Variants in CES1 observed in about 807,000 individuals in gnomAD.
CES1 encodes the protein carboxylesterase 1, also known as liver carboxylesterase 1.
A neutral mutation model predicts 53.0 loss-of-function variants in CES1; 50 were observed. The ratio of observed to expected loss-of-function variants is 0.94; its 90% CI spans 0.75 to 1.19. The LOEUF (loss-of-function observed/expected upper bound fraction) is 1.19, where lower values mean the gene tolerates loss of function less well. Ranked by LOEUF, CES1 falls within the 50% of genes most tolerant of loss-of-function variation. The pLI is 0.00. For synonymous variants in CES1, 202 were observed against 210.1 expected, an observed-to-expected ratio of 0.96 and a Z score of 0.33; for missense variants, 534 against 538.0, an observed-to-expected ratio of 0.99 and a Z score of 0.07.
intron 1 of CES1, among the ~76,000 whole-genome samples, chr16:55,830,060 C>CCA (rs1349598978): frequency 2.0e-5 from 3 of 152,214 alleles, no homozygotes; most frequent in African/African-American, 7.2e-5. Flanking sequence ...TCTTGTCCTC[C>CCA]CAGCTGCTCT....
intron 6 of CES1, chr16:55,820,022 AG>A (rs2032106973): frequency 9.1e-6 from 5 of 550,476 alleles, no homozygotes; most frequent in Non-Finnish European, 1.7e-5. Flanking sequence ...GAGAGACACA[AG>A]ACACCATCAC....
intron 5 of CES1, 56 bp downstream of exon 5, chr16:55,821,312 G>A: frequency 6.2e-7 from 1 of 1,605,980 alleles, no homozygotes; most frequent in East Asian, 2.2e-5. Context: ...GTGTCCAAGA[G>A]GTCTCATCAG....
rs758364596 is a variant in CES1, at chr16:55,833,060, G to A, written c.-5C>T. ...GATAAAGGCACGGAGCCACATCGTG[G>A]AAGGGCGACAGTTCTCGGGGCCTGC... On this transcript the variant is annotated 5_prime_UTR_variant, in exon 1 of 14. Coordinates refer to ENST00000360526, the MANE Select transcript of CES1 (RefSeq NM_001025195.2). 2.4e-5 allele frequency: 37 copies of A among 1,560,536 alleles called. 4 individuals are homozygous for A. The South Asian group carries it at 4.2e-4, about 18-fold the overall frequency.
intron 9 of CES1, among the ~76,000 whole-genome samples, chr16:55,811,254 G>A (rs2031686301): frequency 6.6e-6 from 1 of 151,778 alleles, no homozygotes; most frequent in South Asian, 2.1e-4. Flanking sequence ...AGCTGTGGCA[G>A]TGTTTTGCAG....
intron 1 of CES1, among the ~76,000 whole-genome samples, chr16:55,830,811 A>AAGGAAGGG (rs1567509451): frequency 1.4e-5 from 2 of 143,034 alleles, no homozygotes; most frequent in African/African-American, 2.7e-5. Flanking sequence ...GGAAGGAAGG[A>AAGGAAGGG]AGGAAGGAAG....
At position 55,810,948 on chromosome 16, in the gene CES1, C is replaced by A; in HGVS notation, c.1149G>T (p.Leu383=). The A allele has an allele frequency of 1.2e-6, 2 of 1,613,484 alleles. No homozygotes were observed. Among genetic ancestry groups the A allele is most frequent in the Non-Finnish European group, 1.7e-6 (2 of 1,179,838 alleles). ...QLDQKTAMSL[L]WKSYPLVCIA... is the part of the protein sequence containing the mutation. The stretch of plus-strand genomic sequence containing the variant: ...TTACAACAAGGGGATAGGACTTCCA[C>A]AGGAGTGACATGGCTGTCTTCTGGT... Residue 383 remains leucine (L), a synonymous_variant, in exon 10 of 14, where the codon CTG becomes CTT. Coordinates refer to ENST00000360526, the MANE Select transcript of CES1 (RefSeq NM_001025195.2).
At chr16:55,831,735 CT>C (rs2032684342) in intron 1 of CES1, among the ~76,000 whole-genome samples, 1 of 149,748 alleles carries the variant, frequency 6.7e-6, no homozygotes, top group Non-Finnish European at 1.5e-5. Context: ...TTCCAGAGCT[CT>C]CGCAGTGTCA....
At chr16:55,828,246 A>C in intron 2 of CES1, 1 of 223,608 alleles carries the variant, frequency 4.5e-6, no homozygotes, top group Non-Finnish European at 9.1e-6. Flanking sequence ...TGTTCTCCTC[A>C]GGAATAGGCA....
At chr16:55,818,381 G>A (rs1278718818) in intron 7 of CES1, among the ~76,000 whole-genome samples, 1 of 152,230 alleles carries the variant, frequency 6.6e-6, no homozygotes, top group African/African-American at 2.4e-5. Context: ...CTACAGTGTT[G>A]CCTCTGTGAC....
chr16:55,817,026 G>A (rs2031973475), intron 7 of CES1, 64 bp from the exon 8 acceptor site: 3 of 1,565,948 alleles, frequency 1.9e-6, no homozygotes, highest in African/African-American at 1.4e-5. Flanking sequence ...AGCTGGGTGA[G>A]TGGGGCAACA....
At chr16:55,818,497 G>A (rs2032044340) in intron 7 of CES1, among the ~76,000 whole-genome samples, 1 of 152,148 alleles carries the variant, frequency 6.6e-6, no homozygotes, top group Non-Finnish European at 1.5e-5. Flanking sequence ...GAAAGATAAG[G>A]TGGAGTCAGG....
At chr16:55,825,076 A>G (rs1440518185) in intron 3 of CES1, among the ~76,000 whole-genome samples, 1 of 152,166 alleles carries the variant, frequency 6.6e-6, no homozygotes, top group Non-Finnish European at 1.5e-5. Context: ...AGAAGGCAAG[A>G]TCCTTGAAGG....
At chr16:55,831,863 AG>A (rs1410667078) in intron 1 of CES1, among the ~76,000 whole-genome samples, 1 of 149,452 alleles carries the variant, frequency 6.7e-6, no homozygotes, top group African/African-American at 2.4e-5. Flanking sequence ...TCCCTGTGTG[AG>A]TCTCAGTTTC....
At position 55,830,760 on chromosome 16, in the gene CES1, A is replaced by G. The variant is rs549974122; in HGVS notation, c.53-1786T>C. Among the ~76,000 whole-genome samples the G allele has an allele frequency of 4.0e-5, 6 of 148,642 alleles. No homozygotes were observed. In the East Asian group the frequency reaches 1.2e-3, roughly 29 times the overall value. ...AAGGATGGAAGGAAGGAAGGAAAGA[A>G]GGAAGGAAGGAAAGAAGGAAGGAAG... On this transcript the variant is annotated intron_variant, in intron 1 of 13. Coordinates refer to ENST00000360526, the MANE Select transcript of CES1 (RefSeq NM_001025195.2).
At position 55,823,540 on chromosome 16, in the gene CES1, G is replaced by A. The variant is rs147055479; in HGVS notation, c.539+10C>T. The stretch of plus-strand genomic sequence containing the variant: ...GGCCAAAGTGCAGTGAGGAGAGTCC[G>A]ATTTCTTACCTGAAGAATCCCCAGA... On this transcript the variant is annotated intron_variant, in intron 4 of 13. Coordinates refer to ENST00000360526, the MANE Select transcript of CES1 (RefSeq NM_001025195.2). The A allele has an allele frequency of 0.02, 30,412 of 1,558,898 alleles. 1,888 individuals are homozygous for A. Among genetic ancestry groups the A allele is most frequent in the African/African-American group, 0.17 (10,582 of 63,134 alleles).
At chr16:55,824,650 C>T (rs112049658) in intron 3 of CES1, among the ~76,000 whole-genome samples, 2 of 152,252 alleles carry the variant, frequency 1.3e-5, no homozygotes, top group African/African-American at 4.8e-5. Flanking sequence ...CTGCCCAGCA[C>T]ACTGCAGGCG....
intron 1 of CES1, among the ~76,000 whole-genome samples, chr16:55,831,592 G>A (rs2032676381): frequency 6.7e-6 from 1 of 150,324 alleles, no homozygotes; most frequent in South Asian, 2.1e-4. Flanking sequence ...TACAGAGGAG[G>A]AAACTGAGGA....
rs1387148765 is a variant in CES1, at chr16:55,816,445, C to T, written c.945+479G>A. 3.3e-5 allele frequency among the ~76,000 whole-genome samples: 5 copies of T among 152,200 alleles called. 1 individual carries two copies. The highest frequency in any genetic ancestry group is 1.2e-4 in the African/African-American group (5 of 41,444). ...AGGTGATGTCACCAGAAACTGTCAA[C>T]CCACTGGGAGGTGGGGGTGGGAGTG... On this transcript the variant is annotated intron_variant, in intron 8 of 13. Transcript: ENST00000360526.
intron 1 of CES1, among the ~76,000 whole-genome samples, chr16:55,829,912 T>C (rs1206974415): frequency 6.6e-6 from 1 of 152,238 alleles, no homozygotes. Context: ...CTACCTGTCA[T>C]GGGACTATAC....
Sources: gnomAD v4.1 joint callset for allele counts (sites outside exome capture counted in the v4.1 genomes callset) on GRCh38, gnomAD v4.1.1 for gene constraint, MANE v1.5 for transcripts, NCBI Gene and HGNC (gene_info 2026-07-23, HGNC 2026-07-21) for gene names.